XKR4: variants seen among roughly 807,000 people sequenced by gnomAD.
The protein encoded by XKR4 is XK related 4, also known as XK-related protein 4.
In XKR4, 12 loss-of-function variants were observed where a neutral mutation model predicts 53.9. The ratio of observed to expected loss-of-function variants is 0.22; its 90% confidence interval spans 0.14 to 0.36. XKR4 has a LOEUF of 0.36. Among genes scored for constraint, XKR4 ranks in the 10% least tolerant of loss-of-function variants. The pLI, the probability that XKR4 is intolerant of heterozygous loss-of-function variation, is 1.00. For missense variants in XKR4, 799 were observed against 859.5 expected, an observed-to-expected ratio of 0.93 and a Z score of 0.88; for synonymous variants, 354 against 362.4, an observed-to-expected ratio of 0.98 and a Z score of 0.26.
intron 2 of XKR4, among the ~76,000 whole-genome samples, chr8:55,498,415 C>T (rs1806389005): frequency 6.6e-6 from 1 of 152,184 alleles, no homozygotes; most frequent in African/African-American, 2.4e-5. Context: ...TGTCACCAGT[C>T]CTGTCCAGGC....
intron 2 of XKR4, among the ~76,000 whole-genome samples, chr8:55,480,367 ACT>A (rs1197801749): frequency 2.6e-5 from 4 of 152,018 alleles, no homozygotes; most frequent in Admixed American, 1.3e-4. Context: ...CATGCTAAAA[ACT>A]CTCAATTAAT....
chr8:55,403,762 CCT>C (rs768356400), intron 2 of XKR4, among the ~76,000 whole-genome samples: 25 of 152,210 alleles, frequency 1.6e-4, no homozygotes, highest in Non-Finnish European at 3.2e-4. Flanking sequence ...CTCTGTTCTT[CCT>C]CTTTTTCTTT....
chr8:55,449,435 G>T, intron 2 of XKR4: 2 of 731,926 alleles, frequency 2.7e-6, no homozygotes, highest in African/African-American at 1.7e-5. Flanking sequence ...CTGTAAACAT[G>T]GCCAGGGCTG....
At chr8:55,196,140 C>G (rs931345182) in intron 1 of XKR4, among the ~76,000 whole-genome samples, 1 of 150,776 alleles carries the variant, frequency 6.6e-6, no homozygotes. Flanking sequence ...GTAAATATAG[C>G]AAATCCCACA....
chr8:55,114,565 C>T (rs988288647), intron 1 of XKR4, among the ~76,000 whole-genome samples: 2 of 152,164 alleles, frequency 1.3e-5, no homozygotes, highest in African/African-American at 2.4e-5. Context: ...AATAAGCTTA[C>T]TAATTGAAGA....
chr8:55,279,446 C>T (rs997906315), intron 1 of XKR4, among the ~76,000 whole-genome samples: 4 of 152,274 alleles, frequency 2.6e-5, no homozygotes, highest in African/African-American at 7.2e-5. Context: ...GCTCCAACTG[C>T]GATGTGCTCT....
chr8:55,214,545 A>G (rs893656886), intron 1 of XKR4, among the ~76,000 whole-genome samples: 1 of 152,232 alleles, frequency 6.6e-6, no homozygotes, highest in African/African-American at 2.4e-5. Flanking sequence ...ATACAGGTAC[A>G]TGGACATCAC....
chr8:55,345,948 T>A (rs1258261023), intron 1 of XKR4, among the ~76,000 whole-genome samples: 1 of 152,116 alleles, frequency 6.6e-6, no homozygotes, highest in African/African-American at 2.4e-5. Flanking sequence ...ATCATTTCAC[T>A]TATATCCAGA....
intron 1 of XKR4, among the ~76,000 whole-genome samples, chr8:55,220,712 T>G (rs1473352410): frequency 1.3e-5 from 2 of 152,236 alleles, no homozygotes; most frequent in African/African-American, 4.8e-5. Context: ...TTCTAGGTCT[T>G]ACTGTCTCCT....
intron 2 of XKR4, chr8:55,453,722 T>C (rs903585490): frequency 2.3e-5 from 9 of 387,728 alleles, no homozygotes; most frequent in Non-Finnish European, 4.0e-5. Flanking sequence ...CTGCATGTTG[T>C]GCATCGCCAA....
At chr8:55,495,621 C>CA (rs1381718431) in intron 2 of XKR4, among the ~76,000 whole-genome samples, 1 of 152,194 alleles carries the variant, frequency 6.6e-6, no homozygotes, top group Non-Finnish European at 1.5e-5. Context: ...CTCCTTCCCC[C>CA]CCAGGCCCTC....
intron 2 of XKR4, among the ~76,000 whole-genome samples, chr8:55,367,859 C>T (rs534617500): frequency 6.6e-6 from 1 of 152,328 alleles, no homozygotes; most frequent in South Asian, 2.1e-4. Context: ...CAAACACCAG[C>T]TCAGTTACCC....
At chr8:55,211,503 C>A (rs1817729554) in intron 1 of XKR4, among the ~76,000 whole-genome samples, 1 of 152,172 alleles carries the variant, frequency 6.6e-6, no homozygotes, top group South Asian at 2.1e-4. Flanking sequence ...TAGGTCTTTA[C>A]TATGGTATGT....
At chr8:55,172,104 C>T (rs1014641875) in intron 1 of XKR4, among the ~76,000 whole-genome samples, 3 of 151,954 alleles carry the variant, frequency 2.0e-5, no homozygotes, top group African/African-American at 7.3e-5. Context: ...ATCCTAGCTA[C>T]TCACAAGGCT....
In XKR4 at chr8:55,477,652, C is replaced by T. The variant is rs552985045; in HGVS notation, c.1007-45629C>T. Among the ~76,000 whole-genome samples, 53 of 151,990 alleles carry T rather than the reference C, an allele frequency of 3.5e-4. 1 individual carries two copies. The highest frequency in any genetic ancestry group is 1.0e-3 in the African/African-American group (42 of 41,370). On this transcript the variant is annotated intron_variant, in intron 2 of 2. Coordinates refer to ENST00000327381, the MANE Select transcript of XKR4 (RefSeq NM_052898.2). ...AAACCAATGGCAAAGAAGTTAAAAA[C>T]GGTGAAAAAAAATTAGATGAATGGA...
chr8:55,453,740 T>C (rs539649326), intron 2 of XKR4: 8 of 388,936 alleles, frequency 2.1e-5, no homozygotes, highest in African/African-American at 1.2e-4. Flanking sequence ...CAAGTCTGGG[T>C]ACAGGTTCTT....
At chr8:55,209,128 C>G (rs1817690498) in intron 1 of XKR4, among the ~76,000 whole-genome samples, 1 of 152,078 alleles carries the variant, frequency 6.6e-6, no homozygotes, top group South Asian at 2.1e-4. Context: ...CCATCCCAAG[C>G]CAGTAAATTC....
At chr8:55,323,619 G>T (rs550903208) in intron 1 of XKR4, among the ~76,000 whole-genome samples, 1 of 152,268 alleles carries the variant, frequency 6.6e-6, no homozygotes, top group South Asian at 2.1e-4. Context: ...GTTGTTTCCA[G>T]GTTTGGGTAA....
At chr8:55,409,162 C>T (rs1193259966) in intron 2 of XKR4, among the ~76,000 whole-genome samples, 3 of 152,196 alleles carry the variant, frequency 2.0e-5, no homozygotes, top group South Asian at 2.1e-4. Context: ...TGAACCAATT[C>T]TCAGGCATAA....
Sources: gnomAD v4.1 joint callset for allele counts (sites outside exome capture counted in the v4.1 genomes callset) on GRCh38, gnomAD v4.1.1 for gene constraint, MANE v1.5 for transcripts, NCBI Gene and HGNC (gene_info 2026-07-23, HGNC 2026-07-21) for gene names.